CYP19A1: variants seen among roughly 807,000 people sequenced by gnomAD.
CYP19A1 encodes cytochrome P450 family 19 subfamily A member 1.
Under a neutral mutation model 44.4 loss-of-function variants are expected in CYP19A1, and 32 were observed. The observed-to-expected ratio is 0.72, with a 90% CI of 0.54 to 0.97. The LOEUF is 0.97. Ranked by LOEUF, CYP19A1 falls within the 50% of genes least tolerant of loss-of-function variation. The probability of loss-of-function intolerance (pLI) is 0.00; values close to 1 mark genes in which losing one functional copy is unlikely to be tolerated. For missense variants in CYP19A1, 598 were observed against 637.8 expected (o/e 0.94, Z 0.67); for synonymous variants, 212 against 215.6 (o/e 0.98, Z 0.14).
rs763852095 is a variant in CYP19A1, at chr15:51,223,571, GCTCT to G, written c.452-1050_452-1047del. ...AGACTATCCTCTCTCTCTCTCTCTT[GCTCT>G]CTCTCTCTCTCTCTCTCTCACACAC... is the stretch of plus-strand genomic sequence containing the variant. On this transcript the variant is annotated intron_variant, in intron 4 of 9. Transcript: ENST00000396402. Among the ~76,000 whole-genome samples, 815 of 110,674 alleles carry G rather than the reference GCTCT, an allele frequency of 7.4e-3. 9 individuals are homozygous for G. The highest frequency in any genetic ancestry group is 0.018 in the African/African-American group (546 of 29,694). The allele number at this position is 110,674 out of a possible 152,430, so 72.6% of individuals were successfully genotyped here.
chr15:51,290,197 C>A (rs949522347), intron 1 of CYP19A1, among the ~76,000 whole-genome samples: 1 of 152,154 alleles, frequency 6.6e-6, no homozygotes, highest in Non-Finnish European at 1.5e-5. Context: ...AGTAAGCACT[C>A]AGTAAATGTT....
At position 51,222,431 on chromosome 15, in the gene CYP19A1, C is replaced by T. The variant is rs777877379; in HGVS notation, c.546G>A (p.Ser182=). ...LDRLEEVTNE[S]GYVDVLTLLR... is the part of the protein sequence containing the mutation. ...GAAGGGTCAACACGTCCACATAGCC[C>T]GATTCATTGGTCACCTCCTCCAACC... Residue 182 remains serine (S), a synonymous_variant, in exon 5 of 10, where the codon TCG becomes TCA. Transcript: ENST00000396402. 1.4e-5 allele frequency: 22 copies of T among 1,613,990 alleles called. No individual in the cohort carries two copies. The South Asian group carries it at 1.9e-4, about 14-fold the overall frequency.
At chr15:51,223,593 T>TCTCTCTCTCTCACA (rs1356666512) in intron 4 of CYP19A1, among the ~76,000 whole-genome samples, 4 of 90,144 alleles carry the variant, frequency 4.4e-5, no homozygotes, top group Non-Finnish European at 8.8e-5. Context: ...TCTCTCTCTC[T>TCTCTCTCTCTCACA]CACACACACA....
chr15:51,210,948 A>G lies in CYP19A1; in HGVS notation c.1372T>C (p.Phe458Leu). The part of the protein sequence containing the change: ...KAILVTLLRR[F>L]HVKTLQGQCV... ...TGTCCTTGCAATGTCTTCACGTGGA[A>G]TCGTCTCAGAAGTGTAACGAGGATG... The change falls in exon 10 of 10, where the codon TTC (phenylalanine) becomes CTC (leucine). Residue 458 changes from phenylalanine to leucine, a missense_variant. Phe to Leu is a conservative substitution (Grantham distance 22, BLOSUM62 0). Transcript: ENST00000396402. 6.2e-7 allele frequency: 1 copy of G among 1,609,332 alleles called. No homozygotes were observed. The highest frequency in any genetic ancestry group is 8.5e-7 in the Non-Finnish European group (1 of 1,175,656).
intron 1 of CYP19A1, among the ~76,000 whole-genome samples, chr15:51,324,875 A>C (rs1171904964): frequency 2.6e-5 from 4 of 152,236 alleles, no homozygotes; most frequent in African/African-American, 9.6e-5. Flanking sequence ...AGTCAGAGGC[A>C]AAACAATAAC....
intron 5 of CYP19A1, 51 bp from the exon 6 acceptor site, chr15:51,218,706 G>A (rs1318896253): frequency 1.9e-6 from 3 of 1,572,364 alleles, no homozygotes; most frequent in Non-Finnish European, 2.6e-6. Context: ...TGAGCAAAAT[G>A]TGAGCCTAAG....
intron 1 of CYP19A1, among the ~76,000 whole-genome samples, chr15:51,276,332 G>A (rs910640069): frequency 1.3e-5 from 2 of 152,130 alleles, no homozygotes; most frequent in African/African-American, 2.4e-5. Flanking sequence ...GTTTCCTCAT[G>A]TATAGATAAA....
intron 1 of CYP19A1, among the ~76,000 whole-genome samples, chr15:51,289,427 G>T (rs1251046505): frequency 1.3e-5 from 2 of 152,154 alleles, no homozygotes; most frequent in East Asian, 3.9e-4. Context: ...TCCTGCTCCA[G>T]GCTTCACATT....
At chr15:51,297,817 G>GACACACCC (rs2036027413) in intron 1 of CYP19A1, among the ~76,000 whole-genome samples, 1 of 111,744 alleles carries the variant, frequency 8.9e-6, no homozygotes, top group Admixed American at 9.1e-5. Context: ...CTGTAGGCAT[G>GACACACCC]ACACACACAC....
intron 1 of CYP19A1, chr15:51,278,158 A>T (rs1031387645): frequency 6.6e-6 from 1 of 152,082 alleles, no homozygotes; most frequent in African/African-American, 2.4e-5. Context: ...CTAAGAGATC[A>T]GTTGCTTAGA....
At chr15:51,260,673 C>A (rs901020262) in intron 1 of CYP19A1, among the ~76,000 whole-genome samples, 8 of 152,160 alleles carry the variant, frequency 5.3e-5, no homozygotes, top group Admixed American at 4.6e-4. Flanking sequence ...CCTTTAAACA[C>A]AGGGCTTGTA....
intron 1 of CYP19A1, among the ~76,000 whole-genome samples, chr15:51,262,007 A>G (rs1015082487): frequency 6.6e-6 from 1 of 152,230 alleles, no homozygotes; most frequent in Non-Finnish European, 1.5e-5. Context: ...GGCCATAAAC[A>G]AAATCTCTGC....
At chr15:51,332,558 AT>A (rs1422227792) in intron 1 of CYP19A1, among the ~76,000 whole-genome samples, 3 of 152,082 alleles carry the variant, frequency 2.0e-5, no homozygotes, top group South Asian at 2.1e-4. Context: ...CTCACCACTA[AT>A]TTTTTTCTCC....
At chr15:51,333,474 C>T (rs1022593618) in intron 1 of CYP19A1, among the ~76,000 whole-genome samples, 6 of 152,174 alleles carry the variant, frequency 3.9e-5, no homozygotes, top group African/African-American at 4.8e-5. Context: ...ATTACAGAAT[C>T]GGGGGTGGTT....
rs927016334 is a variant in CYP19A1, at chr15:51,210,517, C to T, written c.*291G>A. ...ATTTTGTTAATGAAGGCCTATCCTT[C>T]TCAAAGCACATTTGGTGGAATCGGG... On this transcript the variant is annotated 3_prime_UTR_variant, in exon 10 of 10. Coordinates refer to ENST00000396402, the MANE Select transcript of CYP19A1 (RefSeq NM_000103.4). The T allele has an allele frequency of 4.2e-5, 24 of 574,714 alleles. No homozygotes were observed. Among genetic ancestry groups the T allele is most frequent in the African/African-American group, 7.3e-5 (4 of 54,982 alleles). The allele number at this position is 574,714 out of a possible 1,614,324, so 35.6% of individuals were successfully genotyped here. A position where few individuals can be genotyped will look rare whatever the true frequency, so the allele number is the denominator to read the frequency against.
chr15:51,223,871 G>A (rs2141067423), intron 4 of CYP19A1, among the ~76,000 whole-genome samples: 1 of 152,222 alleles, frequency 6.6e-6, no homozygotes, highest in Admixed American at 6.5e-5. Flanking sequence ...TTGTGTGGAA[G>A]GGTTGGCTTA....
At chr15:51,326,284 G>A (rs1244502666) in intron 1 of CYP19A1, among the ~76,000 whole-genome samples, 1 of 152,084 alleles carries the variant, frequency 6.6e-6, no homozygotes, top group Non-Finnish European at 1.5e-5. Flanking sequence ...ACCTCCCAAG[G>A]CCCAGCTTCC....
chr15:51,267,347 T>A (rs529386902), intron 1 of CYP19A1, among the ~76,000 whole-genome samples: 3 of 152,054 alleles, frequency 2.0e-5, no homozygotes, highest in Non-Finnish European at 4.4e-5. Flanking sequence ...GGCCCCGCGT[T>A]CAAAAAGCAG....
intron 1 of CYP19A1, chr15:51,315,777 A>G (rs2036414467): frequency 6.6e-6 from 1 of 152,156 alleles, no homozygotes; most frequent in African/African-American, 2.4e-5. Context: ...GTTTGCTCTT[A>G]GCAAAAAGGC....
Sources: gnomAD v4.1 joint callset for allele counts (sites outside exome capture counted in the v4.1 genomes callset) on GRCh38, gnomAD v4.1.1 for gene constraint, MANE v1.5 for transcripts, NCBI Gene and HGNC (gene_info 2026-07-23, HGNC 2026-07-21) for gene names.